Variants in TNRC6B observed in about 807,000 individuals in gnomAD.
The protein encoded by TNRC6B is trinucleotide repeat containing adaptor 6B.
Under a neutral mutation model 203.6 loss-of-function variants are expected in TNRC6B, and 52 were observed. The ratio of observed to expected loss-of-function variants is 0.26; its 90% confidence interval spans 0.20 to 0.32. TNRC6B has a LOEUF of 0.32. Ranked by LOEUF, TNRC6B falls within the 10% of genes least tolerant of loss-of-function variation. The probability of loss-of-function intolerance (pLI) is 1.00; values close to 1 mark genes in which losing one functional copy is unlikely to be tolerated. For missense variants in TNRC6B, 1,923 were observed against 2,286.2 expected (o/e 0.84, Z 3.24); for synonymous variants, 838 against 845.7 (o/e 0.99, Z 0.16).
intron 1 of TNRC6B, among the ~76,000 whole-genome samples, chr22:40,236,667 G>A (rs544404476): frequency 3.3e-5 from 5 of 152,256 alleles, no homozygotes; most frequent in Admixed American, 3.3e-4. Flanking sequence ...TGGGAATGTG[G>A]AGCCATTTCC....
chr22:40,156,542 A>G (rs1203784365), intron 4 of TNRC6B, among the ~76,000 whole-genome samples: 4 of 152,240 alleles, frequency 2.6e-5, no homozygotes, highest in East Asian at 3.9e-4. Context: ...AACTAAACTA[A>G]TAGACCATTT....
intron 1 of TNRC6B, among the ~76,000 whole-genome samples, chr22:40,065,995 T>G (rs1164762405): frequency 6.6e-6 from 1 of 152,164 alleles, no homozygotes; most frequent in Non-Finnish European, 1.5e-5. Flanking sequence ...TCAGAGGGTC[T>G]CCTACAGATC....
At chr22:40,223,399 A>G (rs1305355977) in intron 1 of TNRC6B, among the ~76,000 whole-genome samples, 3 of 152,148 alleles carry the variant, frequency 2.0e-5, no homozygotes, top group Non-Finnish European at 4.4e-5. Flanking sequence ...TTGACCTCCC[A>G]AAGTGCTGGG....
chr22:40,132,395 G>A (rs1211702060), intron 3 of TNRC6B, among the ~76,000 whole-genome samples: 4 of 150,390 alleles, frequency 2.7e-5, no homozygotes, highest in Non-Finnish European at 4.4e-5. Flanking sequence ...GGGACGGGAC[G>A]GGACGGAGCC....
chr22:40,156,325 C>T, intron 4 of TNRC6B: 1 of 730,264 alleles, frequency 1.4e-6, no homozygotes, highest in Non-Finnish European at 2.3e-6. Context: ...GCTGTTAATG[C>T]ATTGCTTCTA....
intron 2 of TNRC6B, among the ~76,000 whole-genome samples, chr22:40,247,584 A>G (rs996378590): frequency 6.6e-6 from 1 of 152,224 alleles, no homozygotes; most frequent in South Asian, 2.1e-4. Context: ...AGGAACATTC[A>G]TTATTATTTG....
chr22:40,056,074 CCTCCTATCCATTTTTCT>C (rs2067792460), intron 1 of TNRC6B, among the ~76,000 whole-genome samples: 1 of 152,126 alleles, frequency 6.6e-6, no homozygotes, highest in African/African-American at 2.4e-5. Context: ...TTTTCTGTCT[CCTCCTATCCATTTTTCT>C]CTCCCTGTTA....
chr22:40,321,383 G>A (rs1345185783), intron 22 of TNRC6B, 154 bp downstream of exon 22: 3 of 890,910 alleles, frequency 3.4e-6, no homozygotes, highest in Non-Finnish European at 3.4e-6. Flanking sequence ...GGAGAGTGTG[G>A]AGGTGCCGGG....
intron 1 of TNRC6B, among the ~76,000 whole-genome samples, chr22:40,090,298 A>G (rs1241128250): frequency 6.6e-6 from 1 of 152,184 alleles, no homozygotes; most frequent in Non-Finnish European, 1.5e-5. Flanking sequence ...CATTCCCACC[A>G]GCAATGAAGG....
At chr22:40,161,668 G>T (rs1350186081) in intron 4 of TNRC6B, among the ~76,000 whole-genome samples, 2 of 152,284 alleles carry the variant, frequency 1.3e-5, no homozygotes, top group East Asian at 3.9e-4. Context: ...TAGATCAGTT[G>T]TGCTGAATTC....
intron 1 of TNRC6B, among the ~76,000 whole-genome samples, chr22:40,234,478 GA>G (rs1431983971): frequency 6.6e-6 from 1 of 152,176 alleles, no homozygotes; most frequent in Admixed American, 6.5e-5. Flanking sequence ...CAGCTTATTA[GA>G]AATGGAAAAT....
At chr22:40,146,953 T>TA (rs2146343496) in intron 3 of TNRC6B, among the ~76,000 whole-genome samples, 1 of 145,702 alleles carries the variant, frequency 6.9e-6, no homozygotes, top group East Asian at 1.9e-4. Flanking sequence ...GATGGTCCAG[T>TA]ACAAGGCAGA....
intron 12 of TNRC6B, 33 bp downstream of exon 12, chr22:40,285,803 G>C (rs1569054574): frequency 1.2e-6 from 2 of 1,610,872 alleles, no homozygotes; most frequent in Non-Finnish European, 1.7e-6. Context: ...GATTCAAAAT[G>C]AAAGACCATT....
chr22:40,065,090 A>G (rs1416759068), intron 1 of TNRC6B, among the ~76,000 whole-genome samples: 3 of 127,932 alleles, frequency 2.3e-5, no homozygotes, highest in Admixed American at 8.6e-5. Context: ...TGAATTGGGA[A>G]GTGTTCCCTT....
intron 9 of TNRC6B, among the ~76,000 whole-genome samples, chr22:40,279,404 A>G (rs1175381277): frequency 6.6e-6 from 1 of 152,242 alleles, no homozygotes; most frequent in Non-Finnish European, 1.5e-5. Flanking sequence ...ACGACAGCAC[A>G]TTTATAGAGT....
At chr22:40,149,491 A>G (rs1362277683) in intron 3 of TNRC6B, among the ~76,000 whole-genome samples, 1 of 151,924 alleles carries the variant, frequency 6.6e-6, no homozygotes, top group Non-Finnish European at 1.5e-5. Flanking sequence ...ATATGGTGAA[A>G]CCTCGTCTCT....
chr22:40,156,032 C>A, intron 3 of TNRC6B: 2 of 1,283,110 alleles, frequency 1.6e-6, no homozygotes, highest in Non-Finnish European at 2.2e-6. Flanking sequence ...CCCTGTGGTT[C>A]TGCACAGGGC....
At chr22:40,244,182 C>G (rs757481766) in intron 1 of TNRC6B, among the ~76,000 whole-genome samples, 9 of 152,198 alleles carry the variant, frequency 5.9e-5, no homozygotes, top group Non-Finnish European at 1.2e-4. Context: ...TGATCAACAT[C>G]CATCTTACCA....
intron 11 of TNRC6B, among the ~76,000 whole-genome samples, chr22:40,284,984 G>A (rs1022999875): frequency 5.3e-5 from 8 of 152,316 alleles, no homozygotes; most frequent in African/African-American, 1.9e-4. Context: ...CAGAAAGGAG[G>A]GAGTTCCGCT....
Sources: allele counts gnomAD v4.1 joint callset (sites outside exome capture counted in the v4.1 genomes callset), GRCh38; gene constraint gnomAD v4.1.1; transcripts MANE v1.5; gene names NCBI Gene and HGNC (gene_info 2026-07-23, HGNC 2026-07-21).